The following WWOX variants were observed in gnomAD, a reference collection of about 807,000 sequenced individuals.
The protein encoded by WWOX is WW domain containing oxidoreductase, also known as WW domain-containing oxidoreductase.
WWOX carries 69 observed loss-of-function variants against 46.2 expected under a neutral mutation model. The observed-to-expected ratio is 1.49, with a 90% CI of 1.23 to 1.82. WWOX has a LOEUF of 1.82. WWOX is among the 40% of genes most tolerant of loss of function. The pLI, the probability that WWOX is intolerant of heterozygous loss-of-function variation, is 0.00. For missense variants in WWOX, 919 were observed against 542.6 expected (o/e 1.69, Z -6.89); for synonymous variants, 359 against 202.6 (o/e 1.77, Z -6.56).
intron 8 of WWOX, among the ~76,000 whole-genome samples, chr16:78,481,168 G>T (rs1156664784): frequency 6.6e-6 from 1 of 152,194 alleles, no homozygotes; most frequent in African/African-American, 2.4e-5. Flanking sequence ...CTAATAGAAT[G>T]ATCCAAGTTT....
chr16:78,914,900 AAAAG>A (rs1187746781), intron 8 of WWOX, among the ~76,000 whole-genome samples: 8 of 151,516 alleles, frequency 5.3e-5, no homozygotes, highest in African/African-American at 1.9e-4. Context: ...AAAAAAAAAA[AAAAG>A]GAACCAGATG....
At chr16:78,328,485 G>C (rs535799003) in intron 5 of WWOX, among the ~76,000 whole-genome samples, 4 of 152,268 alleles carry the variant, frequency 2.6e-5, no homozygotes, top group South Asian at 4.1e-4. Flanking sequence ...CAAGTTGCTG[G>C]TAAGATGATG....
At chr16:78,965,040 G>C (rs1469293824) in intron 8 of WWOX, among the ~76,000 whole-genome samples, 2 of 152,222 alleles carry the variant, frequency 1.3e-5, no homozygotes, top group African/African-American at 2.4e-5. Flanking sequence ...CCCAGCAAAA[G>C]TTTGCTGCAT....
intron 8 of WWOX, among the ~76,000 whole-genome samples, chr16:78,847,486 A>C (rs929884169): frequency 2.0e-5 from 3 of 151,958 alleles, no homozygotes; most frequent in African/African-American, 4.8e-5. Flanking sequence ...GGGTTTTTTC[A>C]AACTTGTTTC....
chr16:78,610,267 A>C (rs1019018565), intron 8 of WWOX, among the ~76,000 whole-genome samples: 15 of 152,198 alleles, frequency 9.9e-5, no homozygotes, highest in African/African-American at 3.6e-4. Flanking sequence ...AGAGATATGA[A>C]GTACACTAGA....
At chr16:78,949,270 A>G (rs1196630982) in intron 8 of WWOX, among the ~76,000 whole-genome samples, 1 of 152,094 alleles carries the variant, frequency 6.6e-6, no homozygotes. Context: ...TTTGCCTGGG[A>G]CTTCCAACCC....
chr16:78,278,751 C>A, intron 5 of WWOX: 1 of 1,157,424 alleles, frequency 8.6e-7, no homozygotes, highest in Non-Finnish European at 1.3e-6. Flanking sequence ...TGACTTCTAT[C>A]TCGGTGATCT....
At chr16:78,453,650 T>C (rs982620702) in intron 8 of WWOX, among the ~76,000 whole-genome samples, 5 of 152,110 alleles carry the variant, frequency 3.3e-5, no homozygotes, top group Non-Finnish European at 7.4e-5. Flanking sequence ...TGAAGATTTT[T>C]TTTTTACTCT....
intron 7 of WWOX, among the ~76,000 whole-genome samples, chr16:78,428,252 T>A (rs1284106473): frequency 1.3e-5 from 2 of 152,202 alleles, no homozygotes; most frequent in African/African-American, 4.8e-5. Context: ...TTTGTCAACT[T>A]GAAAATAGAG....
At chr16:78,692,057 G>A (rs1013059042) in intron 8 of WWOX, among the ~76,000 whole-genome samples, 5 of 152,112 alleles carry the variant, frequency 3.3e-5, no homozygotes, top group Admixed American at 1.3e-4. Context: ...TGTTTCTGAG[G>A]CCTCCCCAGC....
intron 8 of WWOX, among the ~76,000 whole-genome samples, chr16:78,740,003 C>T (rs35659500): frequency 0.017 from 2,603 of 152,208 alleles, 49 homozygotes; most frequent in Middle Eastern, 0.031. Flanking sequence ...CCTCAGGAGT[C>T]GAGCCCTGTG....
intron 4 of WWOX, among the ~76,000 whole-genome samples, chr16:78,160,834 T>C (rs567022071): frequency 6.6e-6 from 1 of 152,328 alleles, no homozygotes; most frequent in East Asian, 1.9e-4. Flanking sequence ...CTATATACTT[T>C]GTGTTTGTCT....
At chr16:78,716,614 C>T (rs911613513) in intron 8 of WWOX, among the ~76,000 whole-genome samples, 1 of 152,066 alleles carries the variant, frequency 6.6e-6, no homozygotes, top group Non-Finnish European at 1.5e-5. Context: ...TGTGATAACC[C>T]TCATCTCTAT....
intron 8 of WWOX, among the ~76,000 whole-genome samples, chr16:78,690,957 G>T (rs2142264787): frequency 6.6e-6 from 1 of 152,200 alleles, no homozygotes; most frequent in East Asian, 1.9e-4. Context: ...ATCCATTTGT[G>T]AAACCAGGCC....
intron 8 of WWOX, among the ~76,000 whole-genome samples, chr16:79,200,356 G>A (rs1232933683): frequency 6.6e-6 from 1 of 152,210 alleles, no homozygotes; most frequent in African/African-American, 2.4e-5. Flanking sequence ...GTGTATGCAT[G>A]ATTCTGGGGT....
intron 5 of WWOX, among the ~76,000 whole-genome samples, chr16:78,228,040 T>C (rs1465369169): frequency 1.3e-5 from 2 of 152,166 alleles, no homozygotes; most frequent in Non-Finnish European, 2.9e-5. Flanking sequence ...AATAGAGTTA[T>C]GGTCATCAAA....
chr16:79,134,121 G>T (rs1230917109), intron 8 of WWOX, among the ~76,000 whole-genome samples: 1 of 151,982 alleles, frequency 6.6e-6, no homozygotes, highest in Non-Finnish European at 1.5e-5. Context: ...TGATCTGGGT[G>T]AGGTCACATT....
chr16:78,676,803 G>C (rs561842465), intron 8 of WWOX, among the ~76,000 whole-genome samples: 1 of 152,236 alleles, frequency 6.6e-6, no homozygotes, highest in Non-Finnish European at 1.5e-5. Context: ...TTTGAATACT[G>C]ATGAACTTTA....
chr16:78,234,798 AC>A (rs2037383492), intron 5 of WWOX, among the ~76,000 whole-genome samples: 1 of 42,984 alleles, frequency 2.3e-5, no homozygotes, highest in African/African-American at 2.8e-4. Flanking sequence ...AAACAAAAAA[AC>A]AACAAAAAAA....
Sources: gnomAD v4.1 joint callset for allele counts (sites outside exome capture counted in the v4.1 genomes callset) on GRCh38, gnomAD v4.1.1 for gene constraint, MANE v1.5 for transcripts, NCBI Gene and HGNC (gene_info 2026-07-23, HGNC 2026-07-21) for gene names.